ANKAR: variants seen among roughly 807,000 people sequenced by gnomAD.
ANKAR encodes ankyrin and armadillo repeat containing.
ANKAR carries 136 observed loss-of-function variants against 146.2 expected under a neutral mutation model. The observed-to-expected ratio is 0.93, with a 90% confidence interval of 0.81 to 1.07. The LOEUF is 1.07. ANKAR is among the 50% of genes least tolerant of loss of function. The pLI is 0.00. For missense variants in ANKAR, 1,567 were observed against 1,679.9 expected, an observed-to-expected ratio of 0.93 and a Z score of 1.18; for synonymous variants, 500 against 575.8, an observed-to-expected ratio of 0.87 and a Z score of 1.88.
Position 189,676,596 on chromosome 2 carries a change from G to GA in ANKAR, c.111dup (p.Tyr38IlefsTer2), listed in dbSNP as rs1559045312. Reference sequence around the variant, plus strand: ...ACAAAGAAATGCATCTGCTTTTTTTGAAAAATATGATCGGAGTGAAATACA... The same window carrying GA: ...ACAAAGAAATGCATCTGCTTTTTTTGAAAAAATATGATCGGAGTGAAATACA... On this transcript the variant is annotated frameshift_variant, in exon 2 of 23. Coordinates refer to ENST00000684021, the MANE Select transcript of ANKAR (RefSeq NM_001378068.1). LOFTEE classifies it high-confidence loss of function. 6.2e-7 allele frequency: 1 copy of GA among 1,613,014 alleles called. No homozygotes were observed. The highest frequency in any genetic ancestry group is 1.3e-5 in the African/African-American group (1 of 74,994).
At position 189,676,549 on chromosome 2, in the gene ANKAR, C is replaced by A; in HGVS notation, c.59C>A (p.Thr20Asn). Reference protein sequence around the residue: ...PRFEQVQDEDTYLENLAIQRN... With the variant: ...PRFEQVQDEDNYLENLAIQRN... ...TTTGAGCAAGTTCAGGATGAAGACA[C>A]CTACCTGGAAAATTTAGCAATACAA... Residue 20 changes from threonine (T) to asparagine (N), a missense_variant, in exon 2 of 23, where the codon ACC (threonine) becomes AAC (asparagine). By Grantham distance (65) the Thr-to-Asn change is moderately conservative. Transcript: ENST00000684021. 6.2e-7 allele frequency: 1 copy of A among 1,600,484 alleles called. No individual in the cohort carries two copies. Among genetic ancestry groups the A allele is most frequent in the South Asian group, 1.1e-5 (1 of 90,470 alleles).
intron 22 of ANKAR, among the ~76,000 whole-genome samples, chr2:189,745,034 T>TAATAATAATAATA (rs1553537068): frequency 6.6e-6 from 1 of 150,714 alleles, no homozygotes; most frequent in African/African-American, 2.4e-5. Context: ...CTACTAATAA[T>TAATAATAATAATA]ACAAAAATTA....
At position 189,727,795 on chromosome 2, in the gene ANKAR, G is replaced by A. The variant is rs775949934; in HGVS notation, c.2636-61G>A. On this transcript the variant is annotated intron_variant, in intron 12 of 22. Coordinates refer to ENST00000684021, the MANE Select transcript of ANKAR (RefSeq NM_001378068.1). Reference sequence around the variant, plus strand: ...TAATATGGGAAACTAATGATATGCTGCACTTTGATATTCTTATTTTTCATA... The same window carrying A: ...TAATATGGGAAACTAATGATATGCTACACTTTGATATTCTTATTTTTCATA... 1.9e-5 allele frequency: 30 copies of A among 1,557,040 alleles called. No homozygotes were observed. In the African/African-American group the frequency reaches 3.7e-4, roughly 19 times the overall value.
At chr2:189,747,561 A>G (rs2044337084), downstream of ANKAR, among the ~76,000 whole-genome samples, 1 of 152,156 alleles carries the variant, frequency 6.6e-6, no homozygotes, top group South Asian at 2.1e-4. Flanking sequence ...TGGAAAGGGT[A>G]ATAGTCTTTG....
intron 16 of ANKAR, 134 bp from the exon 17 acceptor site, chr2:189,732,973 G>A: frequency 1.2e-6 from 1 of 814,302 alleles, no homozygotes; most frequent in Non-Finnish European, 1.8e-6. Context: ...TAAGATAACT[G>A]GAATCAATGG....
chr2:189,730,458 GA>G, intron 15 of ANKAR, 36 bp from the exon 16 acceptor site: 11 of 1,340,334 alleles, frequency 8.2e-6, no homozygotes, highest in South Asian at 4.1e-5. Flanking sequence ...TTGTAAGATG[GA>G]AAAAAATATT....
In ANKAR at chr2:189,728,822, G is replaced by C. The variant is rs1206131665; in HGVS notation, c.3193+1G>C. 1 of 1,609,168 alleles carries C rather than the reference G, an allele frequency of 6.2e-7. No homozygotes were observed. Among genetic ancestry groups the C allele is most frequent in the African/African-American group, 1.3e-5 (1 of 74,872 alleles). On this transcript the variant is annotated splice_donor_variant, in intron 15 of 22. Transcript: ENST00000684021. LOFTEE classifies it high-confidence loss of function. ...AGAGCAGTGGGATCCATTTGTATTG[G>C]TTTGTATACTTATTCTCAATTTCTT...
intron 8 of ANKAR, among the ~76,000 whole-genome samples, chr2:189,706,499 A>G (rs2038970318): frequency 6.6e-6 from 1 of 152,214 alleles, no homozygotes; most frequent in Non-Finnish European, 1.5e-5. Context: ...GTTTTCGAGC[A>G]AAACTGTTAG....
intron 9 of ANKAR, among the ~76,000 whole-genome samples, chr2:189,707,487 AT>A (rs1370848221): frequency 6.7e-6 from 1 of 148,754 alleles, no homozygotes; most frequent in African/African-American, 2.4e-5. Flanking sequence ...GAAAGAGGAA[AT>A]TTTAAGTGAA....
intron 20 of ANKAR, among the ~76,000 whole-genome samples, chr2:189,742,851 C>T (rs1331546718): frequency 6.3e-5 from 2 of 31,836 alleles, no homozygotes; most frequent in East Asian, 1.5e-3. Context: ...CACACACACA[C>T]ATTAGAATTA....
Position 189,689,873 on chromosome 2 carries a change from A to G in ANKAR, c.948A>G (p.Leu316=). 1 of 1,591,476 alleles carries G rather than the reference A, an allele frequency of 6.3e-7. No homozygotes were observed. Among genetic ancestry groups the G allele is most frequent in the Non-Finnish European group, 8.5e-7 (1 of 1,172,256 alleles). The part of the protein sequence containing the change: ...KKDIRRGIGY[L]KLICFLIPFL... ...ATATCAGAAGAGGGATAGGATACCT[A>G]AAGTTAATATGTTTTCTGATTCCAT... Residue 316 remains leucine (L), a synonymous_variant, in exon 3 of 23, where the codon CTA becomes CTG. Transcript: ENST00000684021.
At chr2:189,736,427 A>G (rs1363119706) in intron 17 of ANKAR, among the ~76,000 whole-genome samples, 3 of 150,292 alleles carry the variant, frequency 2.0e-5, no homozygotes, top group Non-Finnish European at 4.4e-5. Flanking sequence ...CGCTTTGACT[A>G]TGAATGAGAC....
At chr2:189,759,131 C>T (rs1177015837) in intron 18 of ANKAR, among the ~76,000 whole-genome samples, 1 of 152,202 alleles carries the variant, frequency 6.6e-6, no homozygotes, top group East Asian at 1.9e-4. Context: ...CTTCACAGTG[C>T]CTTACTAATA....
At chr2:189,750,413 A>G, downstream of ANKAR, 1 of 487,414 alleles carries the variant, frequency 2.1e-6, no homozygotes. Context: ...CTTTTAACAC[A>G]TTATAGTATC....
chr2:189,755,215 AAG>A, intron 18 of ANKAR: 2 of 1,611,940 alleles, frequency 1.2e-6, no homozygotes, highest in Non-Finnish European at 1.7e-6. Flanking sequence ...AAGACTTTCC[AAG>A]AAGCAGAAAA....
At chr2:189,712,328 G>T (rs551398973) in intron 10 of ANKAR, among the ~76,000 whole-genome samples, 1 of 152,316 alleles carries the variant, frequency 6.6e-6, no homozygotes, top group East Asian at 1.9e-4. Flanking sequence ...AGCCTAACTG[G>T]GAGACACCTC....
At chr2:189,729,124 G>A (rs1351679880) in intron 15 of ANKAR, among the ~76,000 whole-genome samples, 1 of 152,168 alleles carries the variant, frequency 6.6e-6, no homozygotes, top group South Asian at 2.1e-4. Flanking sequence ...GAGAAAAATA[G>A]TTCTTTTGAA....
chr2:189,680,705 A>G (rs576786357), intron 2 of ANKAR, among the ~76,000 whole-genome samples: 22 of 152,124 alleles, frequency 1.4e-4, no homozygotes, highest in African/African-American at 5.1e-4. Context: ...ATCATTCTGG[A>G]GCAGATTATT....
chr2:189,677,790 CAT>C (rs1488097929), intron 2 of ANKAR, among the ~76,000 whole-genome samples: 2 of 151,944 alleles, frequency 1.3e-5, no homozygotes, highest in Non-Finnish European at 2.9e-5. Context: ...GGATTACAGA[CAT>C]GTGCCACTGC....
Sources: gnomAD v4.1 joint callset for allele counts (sites outside exome capture counted in the v4.1 genomes callset) on GRCh38, gnomAD v4.1.1 for gene constraint, MANE v1.5 for transcripts, NCBI Gene and HGNC (gene_info 2026-07-23, HGNC 2026-07-21) for gene names.